Variants in ZNF385D observed in about 807,000 individuals in gnomAD.
ZNF385D encodes zinc finger protein 385D, also known as zinc finger protein 659.
In ZNF385D, 15 loss-of-function variants were observed where a neutral mutation model predicts 35.8. The observed-to-expected ratio is 0.42, with a 90% CI of 0.28 to 0.64. The LOEUF is 0.64. ZNF385D is among the 30% of genes least tolerant of loss of function. The pLI is 0.23. For synonymous variants in ZNF385D, 212 were observed against 186.8 expected (o/e 1.13, Z -1.10); for missense variants, 474 against 494.6 (o/e 0.96, Z 0.39).
At chr3:21,606,470 C>T (rs893491886) in intron 2 of ZNF385D, among the ~76,000 whole-genome samples, 1 of 152,090 alleles carries the variant, frequency 6.6e-6, no homozygotes, top group African/African-American at 2.4e-5. Flanking sequence ...AATGGAACAC[C>T]ATTAATATAT....
Position 21,680,728 on chromosome 3 carries a change from T to C in ZNF385D, c.23-15700A>G, listed in dbSNP as rs536617243. 2.0e-5 allele frequency among the ~76,000 whole-genome samples: 3 copies of C among 152,328 alleles called. No homozygotes were observed. In the East Asian group the frequency reaches 5.8e-4, roughly 29 times the overall value. ...TCCAGCCAAAATTTTAGATGGCATA[T>C]TGGCACTGGGGAAATCTTGATAACA... On this transcript the variant is annotated intron_variant, in intron 1 of 7. Coordinates refer to ENST00000281523, the MANE Select transcript of ZNF385D (RefSeq NM_024697.3).
At chr3:21,790,733 A>G (rs1172945971) in intron 3 of ZNF385D, among the ~76,000 whole-genome samples, 9 of 152,212 alleles carry the variant, frequency 5.9e-5, no homozygotes, top group Non-Finnish European at 4.4e-5. Context: ...TTGGCAGACT[A>G]GGTCTTTTTA....
intron 2 of ZNF385D, among the ~76,000 whole-genome samples, chr3:22,239,095 G>A (rs1254603585): frequency 6.6e-6 from 1 of 150,868 alleles, no homozygotes; most frequent in Non-Finnish European, 1.5e-5. Flanking sequence ...CAATTCCAAA[G>A]CCTTAACTCA....
At chr3:21,612,142 G>C (rs900432320) in intron 2 of ZNF385D, among the ~76,000 whole-genome samples, 6 of 152,116 alleles carry the variant, frequency 3.9e-5, no homozygotes, top group African/African-American at 1.4e-4. Flanking sequence ...GCAGTAGCAT[G>C]ATCTCGGCTC....
At chr3:21,435,345 C>T (rs1458371904) in intron 5 of ZNF385D, among the ~76,000 whole-genome samples, 1 of 147,122 alleles carries the variant, frequency 6.8e-6, no homozygotes, top group Non-Finnish European at 1.5e-5. Flanking sequence ...GTAGCCTCAA[C>T]CTCCTAGGTT....
chr3:21,593,002 CAT>C (rs2064025713), intron 2 of ZNF385D, among the ~76,000 whole-genome samples: 1 of 152,176 alleles, frequency 6.6e-6, no homozygotes, highest in Non-Finnish European at 1.5e-5. Context: ...GAAATGACAT[CAT>C]GTGTGGCAGA....
chr3:21,953,084 T>C (rs140579828), intron 3 of ZNF385D, among the ~76,000 whole-genome samples: 121 of 152,104 alleles, frequency 8.0e-4, no homozygotes, highest in Non-Finnish European at 1.3e-3. Context: ...ACTACCACAA[T>C]TGTCAAACCT....
At chr3:22,227,081 G>C (rs1424996372) in intron 2 of ZNF385D, among the ~76,000 whole-genome samples, 8 of 152,098 alleles carry the variant, frequency 5.3e-5, no homozygotes, top group Admixed American at 3.9e-4. Flanking sequence ...CACTAAATCA[G>C]ATAAGGTGTC....
intron 1 of ZNF385D, among the ~76,000 whole-genome samples, chr3:21,724,475 G>GCCC (rs1286919809): frequency 9.9e-4 from 20 of 20,246 alleles, no homozygotes; most frequent in Non-Finnish European, 1.4e-3. Flanking sequence ...CAAATGGAAA[G>GCCC]CCAAAAAAAA....
intron 2 of ZNF385D, among the ~76,000 whole-genome samples, chr3:21,600,658 AAGAC>A (rs1169498994): frequency 2.0e-5 from 3 of 152,320 alleles, no homozygotes; most frequent in South Asian, 4.1e-4. Context: ...TTCAAAATAC[AAGAC>A]AGACCTAACA....
At chr3:21,781,520 C>T (rs989498714) in intron 3 of ZNF385D, among the ~76,000 whole-genome samples, 1 of 151,972 alleles carries the variant, frequency 6.6e-6, no homozygotes, top group Non-Finnish European at 1.5e-5. Flanking sequence ...TTTGAGAAAA[C>T]AAATAATTCT....
At chr3:22,083,933 T>C (rs922611993) in intron 3 of ZNF385D, among the ~76,000 whole-genome samples, 1 of 152,222 alleles carries the variant, frequency 6.6e-6, no homozygotes, top group African/African-American at 2.4e-5. Context: ...ATATTCAACA[T>C]TCTTAAAGAA....
chr3:22,142,582 T>C (rs1704575646), intron 3 of ZNF385D, among the ~76,000 whole-genome samples: 1 of 152,144 alleles, frequency 6.6e-6, no homozygotes, highest in African/African-American at 2.4e-5. Flanking sequence ...TCCTCTACGG[T>C]GGTCTCCAAC....
chr3:21,732,517 A>G (rs1254967471), intron 1 of ZNF385D, among the ~76,000 whole-genome samples: 11 of 152,212 alleles, frequency 7.2e-5, no homozygotes, highest in Admixed American at 7.2e-4. Flanking sequence ...GCAATGAATG[A>G]GAGTTCCTGT....
In ZNF385D at chr3:21,412,622, T is replaced by G. The variant is rs1013095215; in HGVS notation, c.*8592A>C. 2 of 152,110 alleles carry G rather than the reference T, an allele frequency of 1.3e-5. No homozygotes were observed. The highest frequency in any genetic ancestry group is 2.9e-5 in the Non-Finnish European group (2 of 67,984). 9.4% of individuals were successfully genotyped at this position (152,110 alleles called of 1,614,324 possible). On this transcript the variant is annotated 3_prime_UTR_variant, in exon 8 of 8. Transcript: ENST00000281523. ...CAATATTACATTTACCTGGACAATT[T>G]TGATATTGTCAAAGAGAGAGGATAT...
intron 4 of ZNF385D, among the ~76,000 whole-genome samples, chr3:21,476,083 T>C (rs2060530): frequency 0.11 from 16,727 of 152,188 alleles, 1,738 homozygotes; most frequent in East Asian, 0.39. Context: ...TCTGTAAACA[T>C]TGCTCATCTC....
intron 3 of ZNF385D, among the ~76,000 whole-genome samples, chr3:21,928,090 G>T (rs573904034): frequency 1.3e-5 from 2 of 151,968 alleles, no homozygotes; most frequent in South Asian, 2.1e-4. Flanking sequence ...CGGCTGTGGT[G>T]GTGTGTGCCT....
intron 2 of ZNF385D, among the ~76,000 whole-genome samples, chr3:22,337,925 C>T (rs1195384091): frequency 2.0e-5 from 3 of 152,112 alleles, no homozygotes; most frequent in Admixed American, 6.5e-5. Flanking sequence ...TTTGACTTTT[C>T]GACAAACACC....
intron 2 of ZNF385D, among the ~76,000 whole-genome samples, chr3:22,197,757 C>A (rs986994799): frequency 1.3e-5 from 2 of 152,074 alleles, no homozygotes; most frequent in African/African-American, 2.4e-5. Context: ...GGACTCATGA[C>A]CCTGCATGGT....
Sources: allele counts gnomAD v4.1 joint callset (sites outside exome capture counted in the v4.1 genomes callset), GRCh38; gene constraint gnomAD v4.1.1; transcripts MANE v1.5; gene names NCBI Gene and HGNC (gene_info 2026-07-23, HGNC 2026-07-21).